The following ECPAS variants were observed in gnomAD, a reference collection of about 807,000 sequenced individuals.
The protein encoded by ECPAS is Ecm29 proteasome adaptor and scaffold, also known as proteasome adapter and scaffold protein ECM29.
ECPAS carries 70 observed loss-of-function variants against 255.1 expected under a neutral mutation model. The ratio of observed to expected loss-of-function variants is 0.27; its 90% confidence interval spans 0.23 to 0.33. ECPAS has a LOEUF of 0.33. Among genes scored for constraint, ECPAS ranks in the 10% least tolerant of loss-of-function variants. ECPAS has a pLI of 1.00. For missense variants in ECPAS, 1,817 were observed against 2,206.4 expected, an observed-to-expected ratio of 0.82 and a Z score of 3.54; for synonymous variants, 784 against 775.0, an observed-to-expected ratio of 1.01 and a Z score of -0.19.
At chr9:111,411,969 A>G in intron 21 of ECPAS, 45 bp downstream of exon 21, 1 of 1,463,140 alleles carries the variant, frequency 6.8e-7, no homozygotes, top group Non-Finnish European at 9.0e-7. Context: ...ATCCTTTTAT[A>G]AAACCCTATC....
chr9:111,441,978 C>T (rs542223262), intron 5 of ECPAS, among the ~76,000 whole-genome samples: 2 of 152,158 alleles, frequency 1.3e-5, no homozygotes, highest in Non-Finnish European at 2.9e-5. Context: ...TTATATCTTC[C>T]AAGATAGAAT....
chr9:111,409,718 T>A (rs1281576238), intron 23 of ECPAS, among the ~76,000 whole-genome samples: 2 of 151,776 alleles, frequency 1.3e-5, no homozygotes, highest in African/African-American at 4.8e-5. Context: ...AAAAAAAAAA[T>A]CACAAAATTA....
At chr9:111,421,476 A>G (rs976546785) in intron 15 of ECPAS, among the ~76,000 whole-genome samples, 1 of 151,494 alleles carries the variant, frequency 6.6e-6, no homozygotes. Flanking sequence ...AAATCCTCCT[A>G]CAAATTCCCA....
At chr9:111,459,555 G>C (rs185093600) in intron 2 of ECPAS, among the ~76,000 whole-genome samples, 11 of 152,220 alleles carry the variant, frequency 7.2e-5, no homozygotes, top group African/African-American at 2.6e-4. Context: ...TGCTAGGTAT[G>C]TTAATAACCC....
intron 20 of ECPAS, among the ~76,000 whole-genome samples, chr9:111,412,352 A>T (rs1262943165): frequency 6.6e-6 from 1 of 152,256 alleles, no homozygotes; most frequent in Non-Finnish European, 1.5e-5. Context: ...ACAAGTACAA[A>T]ACAGGTGAAA....
At chr9:111,389,456 A>T in intron 31 of ECPAS, 100 bp downstream of exon 31, 2 of 1,097,856 alleles carry the variant, frequency 1.8e-6, no homozygotes, top group Non-Finnish European at 2.5e-6. Context: ...ACAAGTAAAC[A>T]TAAAAAGTAG....
intron 36 of ECPAS, 100 bp from the exon 37 acceptor site, chr9:111,376,641 T>A: frequency 6.5e-5 from 52 of 803,886 alleles, no homozygotes; most frequent in Middle Eastern, 2.3e-4. Context: ...TAAAGAACTT[T>A]AAAAAAAAAT....
intron 4 of ECPAS, among the ~76,000 whole-genome samples, chr9:111,443,423 G>A (rs1487965735): frequency 6.6e-6 from 1 of 151,916 alleles, no homozygotes; most frequent in Non-Finnish European, 1.5e-5. Flanking sequence ...GCTAATTTTT[G>A]TATTTTTAGT....
chr9:111,481,647 C>A (rs553449093), intron 1 of ECPAS, among the ~76,000 whole-genome samples: 1 of 152,308 alleles, frequency 6.6e-6, no homozygotes, highest in East Asian at 1.9e-4. Context: ...TATCTGTACA[C>A]CCATGTTCAC....
Position 111,392,778 on chromosome 9 carries a change from T to A in ECPAS, c.3082A>T (p.Thr1028Ser), listed in dbSNP as rs1432427084. 1.9e-6 allele frequency: 3 copies of A among 1,611,242 alleles called. No homozygotes were observed. The highest frequency in any genetic ancestry group is 1.7e-4 in the Middle Eastern group (1 of 6,054). ...TCAAGTTCACCATACCTTTTGCCAG[T>A]CATAAGTGTTTCCACAAGTGTAGAA... ...LVSTLVETLM[T>S]GKRVKHEVSG... Residue 1028 changes from threonine to serine, a missense_variant, in exon 28 of 50, where the codon ACT becomes TCT. Around this residue, in one of 4 missense-constraint regions of ECPAS, gnomAD observed 960 missense variants for 1,179.0 expected, o/e 0.81. Coordinates refer to ENST00000684092, the MANE Select transcript of ECPAS (RefSeq NM_001364929.1).
intron 1 of ECPAS, among the ~76,000 whole-genome samples, chr9:111,477,102 CTTTTTTCTT>C (rs1175206712): frequency 1.3e-5 from 2 of 150,384 alleles, no homozygotes; most frequent in Non-Finnish European, 3.0e-5. Context: ...GCGCCTGGTC[CTTTTTTCTT>C]TTTTTTCTTT....
In ECPAS at chr9:111,365,696, T is replaced by C. The variant is rs924255940; in HGVS notation, c.5308+543A>G. 6 of 152,520 alleles carry C rather than the reference T, an allele frequency of 3.9e-5. 1 individual carries two copies. The highest frequency in any genetic ancestry group is 1.3e-4 in the Admixed American group (2 of 15,270). 9.4% of individuals were successfully genotyped at this position (152,520 alleles called of 1,614,324 possible). Reference sequence around the variant, plus strand: ...AAATAAAAATAAAAATAAAGAACATTACCGAATCAACTGAACAAACTAGAA... The same window carrying C: ...AAATAAAAATAAAAATAAAGAACATCACCGAATCAACTGAACAAACTAGAA... On this transcript the variant is annotated intron_variant, in intron 48 of 49. Coordinates refer to ENST00000684092, the MANE Select transcript of ECPAS (RefSeq NM_001364929.1).
At chr9:111,390,161 A>G in intron 29 of ECPAS, 60 bp from the exon 30 acceptor site, 1 of 1,002,316 alleles carries the variant, frequency 1.0e-6, no homozygotes. Context: ...AGCCTAAAAA[A>G]TTACATCATC....
At chr9:111,468,833 T>C (rs2098282725) in intron 2 of ECPAS, among the ~76,000 whole-genome samples, 1 of 152,082 alleles carries the variant, frequency 6.6e-6, no homozygotes, top group East Asian at 1.9e-4. Context: ...GAGAATGGAC[T>C]CTGACAGTCA....
chr9:111,401,944 G>A (rs1037431467), intron 24 of ECPAS, among the ~76,000 whole-genome samples: 1 of 152,146 alleles, frequency 6.6e-6, no homozygotes, highest in Non-Finnish European at 1.5e-5. Context: ...TCAAACACAC[G>A]TTTTACAAAC....
chr9:111,407,720 T>C (rs962180054), intron 24 of ECPAS, among the ~76,000 whole-genome samples: 1 of 152,164 alleles, frequency 6.6e-6, no homozygotes, highest in Non-Finnish European at 1.5e-5. Flanking sequence ...CTCTTCCTGA[T>C]AGAATTACAC....
intron 46 of ECPAS, among the ~76,000 whole-genome samples, chr9:111,367,151 T>C (rs1382462291): frequency 6.6e-6 from 1 of 152,188 alleles, no homozygotes; most frequent in African/African-American, 2.4e-5. Flanking sequence ...AACTATATAA[T>C]TAATATTATG....
At chr9:111,456,289 C>G (rs2098266842) in intron 2 of ECPAS, among the ~76,000 whole-genome samples, 1 of 152,124 alleles carries the variant, frequency 6.6e-6, no homozygotes, top group African/African-American at 2.4e-5. Context: ...GAAAACAGAA[C>G]TGAAGAAGAC....
At chr9:111,390,418 C>T (rs988594849) in intron 29 of ECPAS, among the ~76,000 whole-genome samples, 5 of 152,148 alleles carry the variant, frequency 3.3e-5, no homozygotes, top group Non-Finnish European at 7.4e-5. Context: ...CATAATCTCA[C>T]GTGATCATAA....
Sources: gnomAD v4.1 joint callset for allele counts (sites outside exome capture counted in the v4.1 genomes callset) on GRCh38, gnomAD v4.1.1 for gene constraint, gnomAD v4.1.1 regional missense constraint, MANE v1.5 for transcripts, NCBI Gene and HGNC (gene_info 2026-07-23, HGNC 2026-07-21) for gene names.